The following VWF variants were observed in gnomAD, a reference collection of about 807,000 sequenced individuals.
VWF encodes the protein Factor VIII related antigen.
In VWF, 176 loss-of-function variants were observed where a neutral mutation model predicts 308.6. The observed-to-expected ratio is 0.57, with a 90% CI of 0.50 to 0.65. VWF has a LOEUF of 0.65. Ranked by LOEUF, VWF falls within the 30% of genes least tolerant of loss-of-function variation. The pLI is 0.00. For synonymous variants in VWF, 1,385 were observed against 1,443.4 expected (o/e 0.96, Z 0.92); for missense variants, 3,146 against 3,648.2 (o/e 0.86, Z 3.55).
chr12:6,032,930 G>T (rs566191276), intron 20 of VWF, among the ~76,000 whole-genome samples: 1 of 147,776 alleles, frequency 6.8e-6, no homozygotes, highest in Non-Finnish European at 1.5e-5. Context: ...ACACACACGC[G>T]CTCACGCATA....
At chr12:6,119,296 C>T (rs1025880176) in intron 3 of VWF, among the ~76,000 whole-genome samples, 14 of 152,126 alleles carry the variant, frequency 9.2e-5, no homozygotes, top group African/African-American at 3.4e-4. Context: ...AGGCCCCCTT[C>T]CATTTCTACT....
chr12:6,001,882 C>T (rs924243375), intron 34 of VWF, among the ~76,000 whole-genome samples: 9 of 152,044 alleles, frequency 5.9e-5, no homozygotes, highest in African/African-American at 2.2e-4. Flanking sequence ...AGAACTATTA[C>T]AGATACTCTC....
intron 3 of VWF, among the ~76,000 whole-genome samples, chr12:6,115,436 T>C (rs1349030842): frequency 2.6e-5 from 4 of 152,184 alleles, no homozygotes; most frequent in East Asian, 3.8e-4. Flanking sequence ...TTAAACTCTT[T>C]TGCTCAGAAA....
intron 6 of VWF, among the ~76,000 whole-genome samples, chr12:6,086,248 A>G (rs1944970504): frequency 6.6e-6 from 1 of 152,220 alleles, no homozygotes; most frequent in African/African-American, 2.4e-5. Flanking sequence ...ACTTGAAATA[A>G]GTCCTCATTC....
intron 9 of VWF, among the ~76,000 whole-genome samples, chr12:6,072,043 T>C (rs1944787633): frequency 6.6e-6 from 1 of 152,224 alleles, no homozygotes; most frequent in Non-Finnish European, 1.5e-5. Flanking sequence ...AAGGATCATT[T>C]ATGAAAGCAT....
chr12:6,120,975 T>C lies in VWF; in HGVS notation c.220+199A>G, dbSNP rs577993058. Among the ~76,000 whole-genome samples the C allele has an allele frequency of 2.6e-5, 4 of 152,248 alleles. No homozygotes were observed. The South Asian group carries it at 8.3e-4, about 32-fold the overall frequency. ...CAAAGATGAAGACTCTCTTCATCCA[T>C]CCCACCCGGCTCCCGTGGGGAGAGA... is the stretch of plus-strand genomic sequence containing the variant. On this transcript the variant is annotated intron_variant, in intron 3 of 51. Transcript: ENST00000261405.
At chr12:6,021,225 T>C (rs1262460849) in intron 27 of VWF, 1 of 152,482 alleles carries the variant, frequency 6.6e-6, no homozygotes, top group Non-Finnish European at 1.5e-5. Context: ...GTTCTCAAGT[T>C]TAAGCTCCCA....
intron 20 of VWF, 57 bp downstream of exon 20, chr12:6,034,631 A>G: frequency 6.2e-7 from 1 of 1,611,596 alleles, no homozygotes; most frequent in Non-Finnish European, 8.5e-7. Context: ...CTGAGGCCAC[A>G]CCTCCCACCC....
Position 6,060,523 on chromosome 12 carries a change from C to T in VWF, c.1533+2431G>A, listed in dbSNP as rs563974671. Reference sequence around the variant, plus strand: ...ACCTCCTGCCCCAACTCAAACACCCCCTTTCCTGCTTCATAATAAAACCCA... The same window carrying T: ...ACCTCCTGCCCCAACTCAAACACCCTCTTTCCTGCTTCATAATAAAACCCA... On this transcript the variant is annotated intron_variant, in intron 13 of 51. Coordinates refer to ENST00000261405, the MANE Select transcript of VWF (RefSeq NM_000552.5). The surrounding 1 kb of genome is among the most constrained non-coding windows in gnomAD (Gnocchi z 5.1). Among the ~76,000 whole-genome samples, 1 of 152,290 alleles carries T rather than the reference C, an allele frequency of 6.6e-6. No homozygotes were observed. The highest frequency in any genetic ancestry group is 1.9e-4 in the East Asian group (1 of 5,180).
At chr12:5,986,917 TTTTGTTTG>T (rs72318044) in intron 38 of VWF, among the ~76,000 whole-genome samples, 24 of 151,164 alleles carry the variant, frequency 1.6e-4, no homozygotes, top group Admixed American at 8.5e-4. Context: ...ATGTTTTGGT[TTTTGTTTG>T]TTTGTTTGTT....
At chr12:5,961,497 T>C (rs904740107) in intron 47 of VWF, among the ~76,000 whole-genome samples, 1 of 150,768 alleles carries the variant, frequency 6.6e-6, no homozygotes, top group Non-Finnish European at 1.5e-5. Context: ...CAAAACAGAA[T>C]GTATAAAGAT....
intron 18 of VWF, 112 bp from the exon 19 acceptor site, chr12:6,036,603 C>T: frequency 1.0e-6 from 1 of 999,030 alleles, no homozygotes; most frequent in Non-Finnish European, 1.5e-6. Flanking sequence ...GTAAGCCCAG[C>T]ACTGGGACTG....
intron 42 of VWF, among the ~76,000 whole-genome samples, chr12:5,976,999 A>G (rs1383816321): frequency 1.3e-5 from 2 of 152,188 alleles, no homozygotes; most frequent in African/African-American, 4.8e-5. Context: ...AGTTATGCAA[A>G]ACGGGTCTCC....
chr12:6,004,735 T>TATATA (rs61469479), intron 34 of VWF, among the ~76,000 whole-genome samples: 76 of 150,874 alleles, frequency 5.0e-4, no homozygotes, highest in African/African-American at 1.8e-3. Context: ...GATATATAGA[T>TATATA]GTTATATATA....
At chr12:6,098,866 GGGCAAGGGT>G (rs1286965455) in intron 5 of VWF, among the ~76,000 whole-genome samples, 1 of 152,112 alleles carries the variant, frequency 6.6e-6, no homozygotes, top group Non-Finnish European at 1.5e-5. Flanking sequence ...GTTGAAGTCG[GGGCAAGGGT>G]GGCAATCTTG....
In VWF at chr12:6,058,413, G is replaced by C. The variant is rs1258219823; in HGVS notation, c.1534-369C>G. On this transcript the variant is annotated intron_variant, in intron 13 of 51. Transcript: ENST00000261405. The surrounding 1 kb of genome is among the most constrained non-coding windows in gnomAD (Gnocchi z 4.9). ...GTAGGCAGGTTGAGCCCAGCCCGAA[G>C]CACTCTGCCCTCTGTGCCATCCACA... 6.6e-6 allele frequency among the ~76,000 whole-genome samples: 1 copy of C among 152,164 alleles called. No individual in the cohort carries two copies. Among genetic ancestry groups the C allele is most frequent in the Non-Finnish European group, 1.5e-5 (1 of 68,022 alleles).
At chr12:5,970,186 C>T (rs913175497) in intron 44 of VWF, among the ~76,000 whole-genome samples, 1 of 152,202 alleles carries the variant, frequency 6.6e-6, no homozygotes, top group Non-Finnish European at 1.5e-5. Context: ...ACCCTCCAGA[C>T]TTCTCCCTCC....
Position 5,949,846 on chromosome 12 carries a change from C to A in VWF, c.8193G>T (p.Leu2731=). Residue 2731 remains leucine (L), a synonymous_variant, in exon 51 of 52, where the codon CTG becomes CTT. Coordinates refer to ENST00000261405, the MANE Select transcript of VWF (RefSeq NM_000552.5). ...EPECNDITAR[L]QYVKVGSCKS... is the part of the protein sequence containing the mutation. ...TACAGCTTCCCACCTTGACATACTG[C>A]AGCCTGGCAGTGATGTCGTTGCACT... is the stretch of plus-strand genomic sequence containing the variant. 6.2e-7 allele frequency: 1 copy of A among 1,614,148 alleles called. No individual in the cohort carries two copies. The highest frequency in any genetic ancestry group is 8.5e-7 in the Non-Finnish European group (1 of 1,180,040).
Position 6,006,854 on chromosome 12 carries a change from T to G in VWF, c.5842+4763A>C, listed in dbSNP as rs1591855508. On this transcript the variant is annotated intron_variant, in intron 34 of 51. Coordinates refer to ENST00000261405, the MANE Select transcript of VWF (RefSeq NM_000552.5). ...TGCTGTCTACAAGAGAGAGACTCAC[T>G]TTAGATTTAAGAATGCACATAGGTT... 5.9e-5 allele frequency among the ~76,000 whole-genome samples: 9 copies of G among 152,276 alleles called. No individual in the cohort carries two copies. The South Asian group carries it at 1.7e-3, about 28-fold the overall frequency.
Sources: allele counts gnomAD v4.1 joint callset (sites outside exome capture counted in the v4.1 genomes callset), GRCh38; gene constraint gnomAD v4.1.1; non-coding constraint Gnocchi (gnomAD v3.1); transcripts MANE v1.5; gene names NCBI Gene and HGNC (gene_info 2026-07-23, HGNC 2026-07-21).